The following RANBP2 variants were observed in gnomAD, a reference collection of about 807,000 sequenced individuals.
The protein encoded by RANBP2 is RAN binding protein 2.
Under a neutral mutation model 303.6 loss-of-function variants are expected in RANBP2, and 57 were observed. That is an observed-to-expected ratio of 0.19 (90% CI 0.15 to 0.23). The LOEUF (loss-of-function observed/expected upper bound fraction) is 0.23, where lower values mean the gene tolerates loss of function less well. RANBP2 is among the 10% of genes least tolerant of loss of function. The pLI, the probability that RANBP2 is intolerant of heterozygous loss-of-function variation, is 1.00. For synonymous variants in RANBP2, 1,167 were observed against 1,301.5 expected (o/e 0.90, Z 2.23); for missense variants, 3,138 against 3,780.8 (o/e 0.83, Z 4.46).
At chr2:108,826,197 C>T in the RANBP2 span, among the ~76,000 whole-genome samples, 4 of 152,064 alleles carry the variant, frequency 2.6e-5, no homozygotes, top group Admixed American at 2.0e-4. Flanking sequence ...ATATTTTCTC[C>T]ATTCAGTAGT....
the RANBP2 span, among the ~76,000 whole-genome samples, chr2:108,944,066 C>T: frequency 6.6e-6 from 1 of 152,208 alleles, no homozygotes; most frequent in Admixed American, 6.5e-5. Flanking sequence ...TATCCAGCCA[C>T]GTAGGAGCAA....
the RANBP2 span, among the ~76,000 whole-genome samples, chr2:109,350,306 C>T: frequency 1.3e-5 from 2 of 152,178 alleles, no homozygotes; most frequent in Non-Finnish European, 2.9e-5. Context: ...CCACGGGAGG[C>T]CCAGCATCTC....
the RANBP2 span, among the ~76,000 whole-genome samples, chr2:109,477,424 A>G: frequency 6.6e-6 from 1 of 152,038 alleles, no homozygotes; most frequent in African/African-American, 2.4e-5. Flanking sequence ...TACCTCCCCA[A>G]CCCAACCTCA....
chr2:109,661,947 G>T, the RANBP2 span, among the ~76,000 whole-genome samples: 1 of 152,080 alleles, frequency 6.6e-6, no homozygotes, highest in Non-Finnish European at 1.5e-5. Context: ...AGTTTTTGGT[G>T]GTGGCCATAA....
At chr2:109,057,362 T>G in the RANBP2 span, among the ~76,000 whole-genome samples, 1 of 152,256 alleles carries the variant, frequency 6.6e-6, no homozygotes. Context: ...AATGACAATG[T>G]GATATCTCAG....
At chr2:109,678,015 G>A in the RANBP2 span, among the ~76,000 whole-genome samples, 1 of 152,214 alleles carries the variant, frequency 6.6e-6, no homozygotes, top group South Asian at 2.1e-4. Context: ...TGCACCCGTG[G>A]TGGCTCCCGC....
the RANBP2 span, among the ~76,000 whole-genome samples, chr2:109,179,107 C>T: frequency 6.6e-6 from 1 of 150,570 alleles, no homozygotes; most frequent in Non-Finnish European, 1.5e-5. Context: ...TCAGAAGAGT[C>T]TGTGAAATGT....
the RANBP2 span, among the ~76,000 whole-genome samples, chr2:109,157,833 C>T: frequency 7.2e-5 from 11 of 152,118 alleles, no homozygotes; most frequent in South Asian, 2.1e-4. Context: ...GGGAGGAGCA[C>T]TGCAAAGCAT....
At chr2:109,002,316 C>T in the RANBP2 span, among the ~76,000 whole-genome samples, 1 of 152,228 alleles carries the variant, frequency 6.6e-6, no homozygotes, top group Non-Finnish European at 1.5e-5. Context: ...CGGGATTCCA[C>T]TTCCCAGCTT....
the RANBP2 span, among the ~76,000 whole-genome samples, chr2:109,243,409 T>A: frequency 6.6e-6 from 1 of 152,226 alleles, no homozygotes; most frequent in Non-Finnish European, 1.5e-5. Flanking sequence ...TGTCCTTTCT[T>A]CTTGCATCAA....
chr2:108,851,513 G>A, the RANBP2 span, among the ~76,000 whole-genome samples: 8 of 152,106 alleles, frequency 5.3e-5, no homozygotes, highest in African/African-American at 1.9e-4. Context: ...CATTGGCCAG[G>A]CTGGTGTTGA....
At chr2:108,812,039 A>C in the RANBP2 span, among the ~76,000 whole-genome samples, 1 of 152,204 alleles carries the variant, frequency 6.6e-6, no homozygotes, top group African/African-American at 2.4e-5. Flanking sequence ...ATATAATAAA[A>C]AAATAATTGG....
chr2:109,118,205 A>G, the RANBP2 span, among the ~76,000 whole-genome samples: 2 of 152,080 alleles, frequency 1.3e-5, no homozygotes, highest in African/African-American at 4.8e-5. Context: ...CAGCACCATC[A>G]TTTTCAACTA....
the RANBP2 span, among the ~76,000 whole-genome samples, chr2:109,359,704 C>G: frequency 6.6e-6 from 1 of 152,136 alleles, no homozygotes; most frequent in Non-Finnish European, 1.5e-5. Flanking sequence ...GTGGAATATT[C>G]CACACCTGAC....
chr2:109,363,157 C>T, the RANBP2 span, among the ~76,000 whole-genome samples: 3 of 151,856 alleles, frequency 2.0e-5, no homozygotes, highest in East Asian at 1.9e-4. Context: ...CACTCTTTTT[C>T]GGTCTTTTGT....
chr2:108,726,762 T>C (rs1314660815), intron 1 of RANBP2, among the ~76,000 whole-genome samples: 2 of 151,974 alleles, frequency 1.3e-5, no homozygotes, highest in South Asian at 2.1e-4. Flanking sequence ...CTGGTTTTCC[T>C]AGGCAGAGGA....
At chr2:109,357,822 C>A in the RANBP2 span, among the ~76,000 whole-genome samples, 2 of 152,268 alleles carry the variant, frequency 1.3e-5, no homozygotes, top group South Asian at 2.1e-4. Flanking sequence ...ACAGAGATTT[C>A]CCATAAACCT....
the RANBP2 span, among the ~76,000 whole-genome samples, chr2:109,098,789 G>A: frequency 2.0e-5 from 3 of 152,214 alleles, no homozygotes; most frequent in African/African-American, 4.8e-5. Flanking sequence ...GGCCTCTGAC[G>A]CAGGTAAGCA....
the RANBP2 span, among the ~76,000 whole-genome samples, chr2:109,104,076 G>A: frequency 6.6e-6 from 1 of 152,206 alleles, no homozygotes; most frequent in Non-Finnish European, 1.5e-5. Context: ...TTACAGGCAT[G>A]AGCCACCATT....
Sources: allele counts gnomAD v4.1 joint callset (sites outside exome capture counted in the v4.1 genomes callset), GRCh38; gene constraint gnomAD v4.1.1; transcripts MANE v1.5; gene names NCBI Gene and HGNC (gene_info 2026-07-23, HGNC 2026-07-21).